Variants in NUAK1 observed in about 807,000 individuals in gnomAD.
The protein encoded by NUAK1 is NUAK family kinase 1, also known as NUAK family SNF1-like kinase 1.
NUAK1 carries 26 observed loss-of-function variants against 56.9 expected under a neutral mutation model. That is an observed-to-expected ratio of 0.46 (90% CI 0.33 to 0.63). NUAK1 has a LOEUF of 0.63. NUAK1 is among the 30% of genes least tolerant of loss of function. The pLI, the probability that NUAK1 is intolerant of heterozygous loss-of-function variation, is 0.02. For missense variants in NUAK1, 727 were observed against 876.1 expected (o/e 0.83, Z 2.15); for synonymous variants, 337 against 336.0 (o/e 1.00, Z -0.03).
intron 1 of NUAK1, among the ~76,000 whole-genome samples, chr12:106,130,706 G>C (rs2033069976): frequency 6.6e-6 from 1 of 152,234 alleles, no homozygotes; most frequent in African/African-American, 2.4e-5. Flanking sequence ...AGTAGGAGAG[G>C]GGCTGCTTCT....
intron 1 of NUAK1, among the ~76,000 whole-genome samples, chr12:106,127,232 G>A (rs957105463): frequency 5.9e-5 from 9 of 152,014 alleles, no homozygotes; most frequent in South Asian, 2.1e-4. Context: ...TGGTGTGATC[G>A]TAGATCACTG....
chr12:106,084,118 C>T (rs1246888025), intron 3 of NUAK1, 189 bp from the exon 4 acceptor site: 7 of 595,766 alleles, frequency 1.2e-5, no homozygotes, highest in Admixed American at 2.8e-5. Flanking sequence ...AGCGACCAAC[C>T]AGCGACAGGA....
intron 1 of NUAK1, among the ~76,000 whole-genome samples, chr12:106,130,731 C>T (rs1398446336): frequency 6.6e-6 from 1 of 152,190 alleles, no homozygotes; most frequent in Admixed American, 6.5e-5. Context: ...AGGACAGAAG[C>T]CTTTTCATAT....
At chr12:106,077,437 A>C (rs1355425487) in intron 4 of NUAK1, among the ~76,000 whole-genome samples, 1 of 152,258 alleles carries the variant, frequency 6.6e-6, no homozygotes, top group African/African-American at 2.4e-5. Context: ...CGACTTAACA[A>C]TCGTTTGTTA....
chr12:106,121,570 C>CA (rs2032975043), intron 1 of NUAK1, among the ~76,000 whole-genome samples: 1 of 152,120 alleles, frequency 6.6e-6, no homozygotes, highest in Non-Finnish European at 1.5e-5. Context: ...GCCAACAAGG[C>CA]AAAACCCCAT....
intron 1 of NUAK1, among the ~76,000 whole-genome samples, chr12:106,133,621 G>A (rs2033101697): frequency 6.6e-6 from 1 of 152,184 alleles, no homozygotes; most frequent in Non-Finnish European, 1.5e-5. Flanking sequence ...GGGTTGCTGT[G>A]AAAGTTAAGT....
intron 2 of NUAK1, among the ~76,000 whole-genome samples, chr12:106,088,843 C>T (rs963723029): frequency 6.9e-4 from 105 of 152,342 alleles, no homozygotes; most frequent in African/African-American, 2.5e-3. Flanking sequence ...GTCCCCTGTC[C>T]TCCCATACCT....
chr12:106,114,942 T>C (rs1395106485), intron 1 of NUAK1, among the ~76,000 whole-genome samples: 1 of 152,244 alleles, frequency 6.6e-6, no homozygotes, highest in African/African-American at 2.4e-5. Context: ...ATCTAATGTC[T>C]GTCCTCACAT....
chr12:106,090,494 T>C (rs1319816007), intron 2 of NUAK1, among the ~76,000 whole-genome samples: 1 of 152,190 alleles, frequency 6.6e-6, no homozygotes, highest in Non-Finnish European at 1.5e-5. Context: ...GATTCGGTAC[T>C]ATGAGGATCC....
chr12:106,067,531 A>C lies in NUAK1; in HGVS notation c.1257T>G (p.Gly419=). The C allele has an allele frequency of 1.2e-6, 2 of 1,614,002 alleles. No homozygotes were observed. The highest frequency in any genetic ancestry group is 2.2e-5 in the East Asian group (1 of 44,864). Residue 419 remains glycine, a synonymous_variant, in exon 7 of 7, where the codon GGT becomes GGG. Coordinates refer to ENST00000261402, the MANE Select transcript of NUAK1 (RefSeq NM_014840.3). The surrounding 1 kb of genome is among the most constrained non-coding windows in gnomAD (Gnocchi z 6.0). ...HRSHSTGFIE[G]VVGPALPSTF... ...TAGAGGGTAAGGCAGGACCAACTAC[A>C]CCTTCAATGAAGCCAGTGCTGTGAG...
intron 1 of NUAK1, among the ~76,000 whole-genome samples, chr12:106,129,422 G>A (rs1195446472): frequency 2.0e-5 from 3 of 152,204 alleles, no homozygotes; most frequent in East Asian, 1.9e-4. Flanking sequence ...CTGCAGTGAC[G>A]AGTGAGACAG....
intron 2 of NUAK1, among the ~76,000 whole-genome samples, chr12:106,095,772 A>G (rs891950408): frequency 5.3e-5 from 8 of 152,182 alleles, no homozygotes; most frequent in African/African-American, 1.9e-4. Flanking sequence ...ATGAACACTT[A>G]AAGACATCAG....
At chr12:106,109,555 G>GAA (rs5800702) in intron 1 of NUAK1, among the ~76,000 whole-genome samples, 9 of 123,524 alleles carry the variant, frequency 7.3e-5, no homozygotes, top group Non-Finnish European at 1.2e-4. Flanking sequence ...GGTTGTTAAG[G>GAA]AAAAAAAAAA....
chr12:106,121,928 C>T (rs1449075237), intron 1 of NUAK1, among the ~76,000 whole-genome samples: 1 of 152,158 alleles, frequency 6.6e-6, no homozygotes, highest in Non-Finnish European at 1.5e-5. Flanking sequence ...TCACAAGTAG[C>T]AAAAGTGAGG....
At chr12:106,072,953 G>A (rs1259460259) in intron 4 of NUAK1, 110 bp from the exon 5 acceptor site, 3 of 1,293,292 alleles carry the variant, frequency 2.3e-6, no homozygotes, top group Non-Finnish European at 3.2e-6. Context: ...CACCTGGGTG[G>A]GTCTGCTGGC....
At chr12:106,115,771 C>T (rs993527020) in intron 1 of NUAK1, among the ~76,000 whole-genome samples, 1 of 152,184 alleles carries the variant, frequency 6.6e-6, no homozygotes, top group Non-Finnish European at 1.5e-5. Context: ...TCCTGCCGTC[C>T]CATCATGGGG....
intron 1 of NUAK1, among the ~76,000 whole-genome samples, chr12:106,121,468 G>A (rs1306228449): frequency 6.6e-6 from 1 of 152,210 alleles, no homozygotes; most frequent in African/African-American, 2.4e-5. Flanking sequence ...AAGGGTGGGA[G>A]GCTGGGCGTG....
chr12:106,109,640 G>A (rs1592858191), intron 1 of NUAK1, among the ~76,000 whole-genome samples: 1 of 151,926 alleles, frequency 6.6e-6, no homozygotes, highest in Non-Finnish European at 1.5e-5. Flanking sequence ...CACTGAGCCA[G>A]TGCACAGACA....
chr12:106,072,190 A>AT (rs11426621), intron 5 of NUAK1, among the ~76,000 whole-genome samples: 31,313 of 152,108 alleles, frequency 0.21, 3,828 homozygotes, highest in African/African-American at 0.33. Context: ...GAGTGAGGCA[A>AT]TTTTTTGTTT....
Sources: allele counts gnomAD v4.1 joint callset (sites outside exome capture counted in the v4.1 genomes callset), GRCh38; gene constraint gnomAD v4.1.1; non-coding constraint Gnocchi (gnomAD v3.1); transcripts MANE v1.5; gene names NCBI Gene and HGNC (gene_info 2026-07-23, HGNC 2026-07-21).